The following MYO1A variants were observed in gnomAD, a reference collection of about 807,000 sequenced individuals.
The protein encoded by MYO1A is unconventional myosin-Ia.
Under a neutral mutation model 138.5 loss-of-function variants are expected in MYO1A, and 127 were observed. The observed-to-expected ratio is 0.92, with a 90% confidence interval of 0.79 to 1.06. The LOEUF is 1.06. Ranked by LOEUF, MYO1A falls within the 50% of genes least tolerant of loss-of-function variation. The pLI is 0.00. For synonymous variants in MYO1A, 477 were observed against 497.5 expected, an observed-to-expected ratio of 0.96 and a Z score of 0.55; for missense variants, 1,211 against 1,288.8, an observed-to-expected ratio of 0.94 and a Z score of 0.92.
intron 22 of MYO1A, among the ~76,000 whole-genome samples, chr12:57,035,508 G>T (rs1353087309): frequency 6.6e-6 from 1 of 152,176 alleles, no homozygotes. Context: ...GCACAGTCAG[G>T]GTCCTAACTA....
Position 57,038,614 on chromosome 12 carries a change from T to A in MYO1A, c.1558A>T (p.Ile520Phe), listed in dbSNP as rs775053432. ...AAGAGTAGGTCATTATTCTTGTCAA[T>A]AAAGCTGGTCACGTTGTATGTCACC... is the stretch of plus-strand genomic sequence containing the variant. ...GKVTYNVTSF[I>F]DKNNDLLFRD... Residue 520 changes from isoleucine to phenylalanine, a missense_variant, in exon 17 of 28, where the codon ATT becomes TTT. Transcript: ENST00000300119. 28 of 1,614,096 alleles carry A rather than the reference T, an allele frequency of 1.7e-5. No individual in the cohort carries two copies. The highest frequency in any genetic ancestry group is 2.2e-5 in the Non-Finnish European group (26 of 1,180,046).
intron 22 of MYO1A, among the ~76,000 whole-genome samples, chr12:57,035,791 C>G (rs1478397862): frequency 6.6e-6 from 1 of 152,200 alleles, no homozygotes; most frequent in East Asian, 1.9e-4. Context: ...TCCCATCCAG[C>G]CTGACCCACG....
In MYO1A at chr12:57,037,089, A is replaced by G. The variant is rs1239215652; in HGVS notation, c.2058T>C (p.Leu686=). 2 of 1,614,104 alleles carry G rather than the reference A, an allele frequency of 1.2e-6. No homozygotes were observed. Among genetic ancestry groups the G allele is most frequent in the Non-Finnish European group, 1.7e-6 (2 of 1,180,010 alleles). Residue 686 remains leucine (L), a splice_region_variant and synonymous_variant, in exon 20 of 28, where the codon CTT becomes CTC. Coordinates refer to ENST00000300119, the MANE Select transcript of MYO1A (RefSeq NM_005379.4). ...TKIFIRSPKT[L]FYLEEQRRLR... ...GGCGCCTCTGTTCTTCGAGGTAGAA[A>G]AGCTGTGGAGAGGTGGAAGGGGGTG...
upstream of MYO1A, chr12:57,051,133 T>C (rs1040220704): frequency 6.6e-6 from 1 of 152,262 alleles, no homozygotes; most frequent in African/African-American, 2.4e-5. Context: ...TAGGTAATTA[T>C]AGACACTTAA....
Position 57,037,656 on chromosome 12 carries a change from G to C in MYO1A, c.1962-15C>G. 2.5e-6 allele frequency: 4 copies of C among 1,611,850 alleles called. No homozygotes were observed. The highest frequency in any genetic ancestry group is 2.5e-6 in the Non-Finnish European group (3 of 1,178,030). On this transcript the variant is annotated splice_polypyrimidine_tract_variant and intron_variant, in intron 18 of 27. Coordinates refer to ENST00000300119, the MANE Select transcript of MYO1A (RefSeq NM_005379.4). ...CAACACCTTCCCTATGGAAGCAAATGACAGAAAGCTGCAGAGGGGTATCTC... is the reference window on the plus strand; with the variant it reads ...CAACACCTTCCCTATGGAAGCAAATCACAGAAAGCTGCAGAGGGGTATCTC...
At position 57,028,711 on chromosome 12, in the gene MYO1A, G is replaced by C. The variant is rs777658293; in HGVS notation, c.*44C>G. 1 of 1,611,510 alleles carries C rather than the reference G, an allele frequency of 6.2e-7. No individual in the cohort carries two copies. Among genetic ancestry groups the C allele is most frequent in the East Asian group, 2.2e-5 (1 of 44,876 alleles). The stretch of plus-strand genomic sequence containing the variant: ...AGGAGGGCAGAGGGGGATTAGTGCT[G>C]GTTCAGGAGGAAGCAACTGCCATCT... On this transcript the variant is annotated 3_prime_UTR_variant, in exon 28 of 28. Transcript: ENST00000300119.
rs1232821163 is a variant in MYO1A, at chr12:57,029,202, G to C, written c.2935C>G (p.Leu979Val). Residue 979 changes from leucine (L) to valine (V), a missense_variant, in exon 27 of 28, where the codon CTG (leucine) becomes GTG (valine). Transcript: ENST00000300119. ...FLLVSEHVIE[L>V]LTKMYRAVLD... Reference sequence around the variant, plus strand: ...ACAGCCCGGTACATTTTGGTCAGCAGTTCAATCACATGCTCGCTGACCAGC... The same window carrying C: ...ACAGCCCGGTACATTTTGGTCAGCACTTCAATCACATGCTCGCTGACCAGC... 1 of 1,614,144 alleles carries C rather than the reference G, an allele frequency of 6.2e-7. No individual in the cohort carries two copies. The highest frequency in any genetic ancestry group is 1.7e-5 in the Admixed American group (1 of 60,026).
Position 57,046,904 on chromosome 12 carries a change from A to G in MYO1A, c.500T>C (p.Phe167Ser). Residue 167 changes from phenylalanine (F) to serine (S), a missense_variant, in exon 7 of 28, where the codon TTT (phenylalanine) becomes TCT (serine). Phe to Ser is a radical substitution (Grantham distance 155). Transcript: ENST00000300119. ...SRFGKYMDIE[F>S]DFKGSPLGGV... ...ACCGAGGGGGGATCCCTTGAAGTCA[A>G]ATTCAATATCCATGTATTTTCCCTT... The G allele has an allele frequency of 6.2e-7, 1 of 1,614,086 alleles. No individual in the cohort carries two copies. Among genetic ancestry groups the G allele is most frequent in the Admixed American group, 1.7e-5 (1 of 60,020 alleles).
chr12:57,037,126 G>A (rs1158770490), intron 19 of MYO1A, 35 bp from the exon 20 acceptor site: 2 of 1,613,002 alleles, frequency 1.2e-6, no homozygotes, highest in Non-Finnish European at 1.7e-6. Context: ...CAGAGAGACT[G>A]GCTCAGGGGA....
intron 10 of MYO1A, 94 bp from the exon 11 acceptor site, chr12:57,043,452 G>A (rs1592480898): frequency 5.1e-6 from 6 of 1,183,858 alleles, no homozygotes; most frequent in Non-Finnish European, 7.6e-6. Context: ...TGAGACACTG[G>A]TGTCCTGGGG....
In MYO1A at chr12:57,038,019, A is replaced by G. The variant is rs141145134; in HGVS notation, c.1811T>C (p.Leu604Pro). The change falls in exon 18 of 28, where the codon CTG (leucine) becomes CCG (proline). Residue 604 changes from leucine (L) to proline (P), a missense_variant. Coordinates refer to ENST00000300119, the MANE Select transcript of MYO1A (RefSeq NM_005379.4). ...CAGGTACCGAGCCTGGGTTGCCACC[A>G]GGTCTGAAGAGAACTGACCTCGCTG... is the stretch of plus-strand genomic sequence containing the variant. ...HQQRGQFSSD[L>P]VATQARYLGL... The G allele has an allele frequency of 2.4e-5, 38 of 1,614,038 alleles. No individual in the cohort carries two copies. The highest frequency in any genetic ancestry group is 1.6e-4 in the Middle Eastern group (1 of 6,084).
intron 22 of MYO1A, among the ~76,000 whole-genome samples, chr12:57,035,974 T>C (rs1312448446): frequency 6.6e-6 from 1 of 152,166 alleles, no homozygotes; most frequent in East Asian, 1.9e-4. Context: ...CAATGAGGCT[T>C]AGCCTCTTCA....
At position 57,029,550 on chromosome 12, in the gene MYO1A, A is replaced by G; in HGVS notation, c.2762T>C (p.Val921Ala). 2 of 1,614,266 alleles carry G rather than the reference A, an allele frequency of 1.2e-6. No individual in the cohort carries two copies. The highest frequency in any genetic ancestry group is 1.7e-6 in the Non-Finnish European group (2 of 1,180,052). ...GGACTTCTTGGTGTCTGTGAGAATC[A>G]CATGGCCCTTGGTCAGGAGGAGAAT... ...SRILLLTKGH[V>A]ILTDTKKSQA... The change falls in exon 26 of 28, where the codon GTG (valine) becomes GCG (alanine). Residue 921 changes from valine to alanine, a missense_variant. Coordinates refer to ENST00000300119, the MANE Select transcript of MYO1A (RefSeq NM_005379.4).
rs1273396802 is a variant in MYO1A at position 57,037,110 on chromosome 12, G to C, written c.2056-19C>G. The stretch of plus-strand genomic sequence containing the variant: ...AGAAAAGCTGTGGAGAGGTGGAAGG[G>C]GGTGACAGAGAGACTGGCTCAGGGG... On this transcript the variant is annotated intron_variant, in intron 19 of 27. Coordinates refer to ENST00000300119, the MANE Select transcript of MYO1A (RefSeq NM_005379.4). 1.2e-6 allele frequency: 2 copies of C among 1,613,778 alleles called. No individual in the cohort carries two copies. Among genetic ancestry groups the C allele is most frequent in the Admixed American group, 1.7e-5 (1 of 60,030 alleles).
rs576987207 is a variant in MYO1A, at chr12:57,046,740, A to T, written c.542-90T>A. The stretch of plus-strand genomic sequence containing the variant: ...ACTGGAGAATGCCCCCATCGCCGGC[A>T]TTCCTAGTGGTTGGGAAGTCTCCTT... On this transcript the variant is annotated intron_variant, in intron 7 of 27. Transcript: ENST00000300119. The T allele has an allele frequency of 2.0e-6, 3 of 1,495,292 alleles. No homozygotes were observed. In the South Asian group the frequency reaches 3.4e-5, roughly 17 times the overall value. The allele number at this position is 1,495,292 out of a possible 1,614,324, so 92.6% of individuals were successfully genotyped here.
At chr12:57,044,787 A>G (rs957551925) in intron 8 of MYO1A, among the ~76,000 whole-genome samples, 5 of 151,744 alleles carry the variant, frequency 3.3e-5, no homozygotes, top group Non-Finnish European at 1.5e-5. Flanking sequence ...CCCTCATTTT[A>G]CTCTTCTCCC....
Position 57,048,270 on chromosome 12 carries a change from G to C in MYO1A, c.54C>G (p.Pro18=), listed in dbSNP as rs2031207188. The C allele has an allele frequency of 6.2e-7, 1 of 1,614,154 alleles. No individual in the cohort carries two copies. Among genetic ancestry groups the C allele is most frequent in the Non-Finnish European group, 8.5e-7 (1 of 1,180,036 alleles). The change falls in exon 2 of 28, where the codon CCC becomes CCG. Residue 18 remains proline (P), a synonymous_variant. Coordinates refer to ENST00000300119, the MANE Select transcript of MYO1A (RefSeq NM_005379.4). ...TCTTGAGCAGTGACTCCTCCACCAA[G>C]GGTTCCAGGAGGACAAGATCCTCCA... ...VGVEDLVLLE[P]LVEESLLKNL...
intron 21 of MYO1A, 116 bp from the exon 22 acceptor site, chr12:57,036,497 T>C: frequency 9.1e-7 from 1 of 1,094,330 alleles, no homozygotes. Flanking sequence ...AGACTGTAGC[T>C]GGAAGTTGGA....
rs375602263 is a variant in MYO1A, at chr12:57,046,958, C to A, written c.478-32G>T. 8.7e-6 allele frequency: 14 copies of A among 1,611,314 alleles called. No individual in the cohort carries two copies. The African/African-American group carries it at 1.1e-4, about 12-fold the overall frequency. The stretch of plus-strand genomic sequence containing the variant: ...AGAGAGACCAGAGAGAGAGACTTAG[C>A]TTCTTCCTCTTCTCACCACCCTGCC... On this transcript the variant is annotated intron_variant, in intron 6 of 27. Coordinates refer to ENST00000300119, the MANE Select transcript of MYO1A (RefSeq NM_005379.4).
Sources: gnomAD v4.1 joint callset for allele counts (sites outside exome capture counted in the v4.1 genomes callset) on GRCh38, gnomAD v4.1.1 for gene constraint, MANE v1.5 for transcripts, NCBI Gene and HGNC (gene_info 2026-07-23, HGNC 2026-07-21) for gene names.